Variants in ABAT observed in about 807,000 individuals in gnomAD.
ABAT encodes 4-aminobutyrate aminotransferase, also known as 4-aminobutyrate aminotransferase, mitochondrial.
Under a neutral mutation model 64.6 loss-of-function variants are expected in ABAT, and 45 were observed. That is an observed-to-expected ratio of 0.70 (90% CI 0.55 to 0.89). The LOEUF is 0.89. Among genes scored for constraint, ABAT ranks in the 40% least tolerant of loss-of-function variants. The pLI is 0.00. For missense variants in ABAT, 633 were observed against 658.4 expected (o/e 0.96, Z 0.42); for synonymous variants, 297 against 250.5 (o/e 1.19, Z -1.75).
chr16:8,744,567 C>G (rs1475489108), intron 2 of ABAT, among the ~76,000 whole-genome samples: 1 of 151,944 alleles, frequency 6.6e-6, no homozygotes, highest in Admixed American at 6.6e-5. Context: ...GGGATTTCGC[C>G]ATGTTGGCCA....
intron 1 of ABAT, among the ~76,000 whole-genome samples, chr16:8,693,062 C>T (rs531570734): frequency 6.6e-6 from 1 of 151,642 alleles, no homozygotes; most frequent in Non-Finnish European, 1.5e-5. Flanking sequence ...ACCATGTTGG[C>T]CAGGATGGTC....
In ABAT at chr16:8,781,622, C is replaced by A; in HGVS notation, c.*192C>A. ...GGAAGGGCTGGTGTTGATTTTCCTC[C>A]CTGCAGAGCCAATGGTGCACATTGG... On this transcript the variant is annotated 3_prime_UTR_variant, in exon 16 of 16. Coordinates refer to ENST00000268251, the MANE Select transcript of ABAT (RefSeq NM_020686.6). This position sits in a 1 kb window ranked among gnomAD's most constrained non-coding sequence, Gnocchi z 4.5. The A allele has an allele frequency of 1.4e-6, 1 of 718,910 alleles. No homozygotes were observed. Among genetic ancestry groups the A allele is most frequent in the Non-Finnish European group, 2.3e-6 (1 of 427,578 alleles). 44.5% of individuals were successfully genotyped at this position (718,910 alleles called of 1,614,324 possible).
At chr16:8,677,228 T>G (rs920092637) in intron 1 of ABAT, among the ~76,000 whole-genome samples, 1 of 152,202 alleles carries the variant, frequency 6.6e-6, no homozygotes, top group African/African-American at 2.4e-5. Context: ...TGATTACAAG[T>G]GCAAAGTCAT....
At chr16:8,749,154 C>G (rs2142698049) in intron 4 of ABAT, among the ~76,000 whole-genome samples, 1 of 150,310 alleles carries the variant, frequency 6.7e-6, no homozygotes, top group African/African-American at 2.4e-5. Flanking sequence ...GTGGCGCAAT[C>G]TCGGCTCACA....
At chr16:8,723,990 G>A (rs573677693) in intron 1 of ABAT, among the ~76,000 whole-genome samples, 31 of 151,398 alleles carry the variant, frequency 2.0e-4, no homozygotes, top group African/African-American at 7.3e-4. Flanking sequence ...ACAGGTGCAC[G>A]CCACCATGCA....
At chr16:8,769,093 C>T (rs2060027848) in intron 11 of ABAT, 120 bp downstream of exon 11, 3 of 1,419,636 alleles carry the variant, frequency 2.1e-6, no homozygotes, top group Non-Finnish European at 2.9e-6. Context: ...CAGTGCTCCC[C>T]CAGAGGGAAG....
intron 1 of ABAT, among the ~76,000 whole-genome samples, chr16:8,694,193 ATTTT>A (rs35832558): frequency 0.026 from 3,457 of 131,122 alleles, 138 homozygotes; most frequent in African/African-American, 0.092. Context: ...CAATGCCCAG[ATTTT>A]TTTTTTTTTT....
rs1475734183 is a variant in ABAT, at chr16:8,782,532, T to C, written c.*1102T>C. On this transcript the variant is annotated 3_prime_UTR_variant, in exon 16 of 16. Transcript: ENST00000268251. Reference sequence around the variant, plus strand: ...ATGAATTAAAGGTGCCAGAGCTCCATGCATGGAAAAGTGGCCTGTTGGTTC... The same window carrying C: ...ATGAATTAAAGGTGCCAGAGCTCCACGCATGGAAAAGTGGCCTGTTGGTTC... 2.6e-5 allele frequency: 4 copies of C among 152,282 alleles called. No homozygotes were observed. Among genetic ancestry groups the C allele is most frequent in the African/African-American group, 7.2e-5 (3 of 41,460 alleles). The allele number at this position is 152,282 out of a possible 1,614,324, so 9.4% of individuals were successfully genotyped here.
intron 1 of ABAT, among the ~76,000 whole-genome samples, chr16:8,722,031 TTC>T (rs1451072771): frequency 1.3e-5 from 2 of 152,176 alleles, no homozygotes; most frequent in Non-Finnish European, 2.9e-5. Context: ...ACAATTCCTA[TTC>T]TGTTTGATTT....
At chr16:8,745,844 G>T (rs572742149) in intron 2 of ABAT, among the ~76,000 whole-genome samples, 157 bp from the exon 3 acceptor site, 2 of 152,194 alleles carry the variant, frequency 1.3e-5, no homozygotes, top group Non-Finnish European at 2.9e-5. Context: ...TGGTGGCCCA[G>T]TTGGTCTGTC....
chr16:8,735,673 A>C (rs1445584359), intron 1 of ABAT, 26 bp from the exon 2 acceptor site: 3 of 1,542,530 alleles, frequency 1.9e-6, no homozygotes, highest in African/African-American at 2.7e-5. Flanking sequence ...TCATGGGCCT[A>C]AGTCTGCATT....
chr16:8,752,388 C>T (rs183754192), intron 5 of ABAT, among the ~76,000 whole-genome samples: 94 of 152,292 alleles, frequency 6.2e-4, no homozygotes, highest in Middle Eastern at 3.4e-3. Context: ...CCCCCGAGGA[C>T]TCCCTCAGTC....
At chr16:8,700,675 C>A (rs1474950420) in intron 1 of ABAT, among the ~76,000 whole-genome samples, 1 of 152,174 alleles carries the variant, frequency 6.6e-6, no homozygotes, top group Non-Finnish European at 1.5e-5. Context: ...AGCTCCCCTG[C>A]AGCCTTGAAC....
At chr16:8,750,697 G>A (rs75772825) in intron 5 of ABAT, among the ~76,000 whole-genome samples, 158 bp downstream of exon 5, 1 of 152,014 alleles carries the variant, frequency 6.6e-6, no homozygotes, top group Non-Finnish European at 1.5e-5. Flanking sequence ...ATGTGTAAAG[G>A]GTATATTATT....
At chr16:8,697,106 G>T (rs1354758689) in intron 1 of ABAT, among the ~76,000 whole-genome samples, 1 of 152,198 alleles carries the variant, frequency 6.6e-6, no homozygotes, top group Non-Finnish European at 1.5e-5. Flanking sequence ...TGGTCTGAAA[G>T]CAGTGGGACT....
chr16:8,769,977 A>C (rs986060957), intron 11 of ABAT, among the ~76,000 whole-genome samples: 5 of 152,174 alleles, frequency 3.3e-5, no homozygotes, highest in Non-Finnish European at 5.9e-5. Flanking sequence ...CTGGGTATTC[A>C]GTGGTAAATA....
At chr16:8,769,873 A>G (rs764836603) in intron 11 of ABAT, among the ~76,000 whole-genome samples, 34 of 152,320 alleles carry the variant, frequency 2.2e-4, no homozygotes, top group Non-Finnish European at 3.8e-4. Context: ...TTGAACTCAA[A>G]TAAGGCTGCT....
intron 1 of ABAT, among the ~76,000 whole-genome samples, chr16:8,692,116 C>T (rs2057597429): frequency 6.6e-6 from 1 of 152,136 alleles, no homozygotes; most frequent in Admixed American, 6.6e-5. Flanking sequence ...GCCGTGGGCT[C>T]ATGTCTGTAA....
intron 1 of ABAT, among the ~76,000 whole-genome samples, chr16:8,697,029 G>T (rs2057718777): frequency 1.3e-5 from 2 of 152,194 alleles, no homozygotes; most frequent in South Asian, 4.1e-4. Flanking sequence ...CGTGCTGGCG[G>T]AGAGGGACCG....
Sources: gnomAD v4.1 joint callset for allele counts (sites outside exome capture counted in the v4.1 genomes callset) on GRCh38, gnomAD v4.1.1 for gene constraint, Gnocchi (gnomAD v3.1) non-coding constraint, MANE v1.5 for transcripts, NCBI Gene and HGNC (gene_info 2026-07-23, HGNC 2026-07-21) for gene names.